Variants in PGR observed in about 807,000 individuals in gnomAD.
PGR encodes progesterone receptor.
In PGR, 25 loss-of-function variants were observed where a neutral mutation model predicts 76.1. The observed-to-expected ratio is 0.33, with a 90% CI of 0.24 to 0.46. The LOEUF (loss-of-function observed/expected upper bound fraction) is 0.46. PGR is among the 20% of genes least tolerant of loss of function. PGR has a pLI of 1.00. For missense variants in PGR, 1,172 were observed against 1,225.3 expected (o/e 0.96, Z 0.65); for synonymous variants, 579 against 535.0 (o/e 1.08, Z -1.14).
intron 2 of PGR, among the ~76,000 whole-genome samples, chr11:101,125,679 A>G (rs1862817206): frequency 6.6e-6 from 1 of 152,186 alleles, no homozygotes; most frequent in African/African-American, 2.4e-5. Context: ...CCTACATAAT[A>G]GATATATAAA....
At chr11:101,052,551 A>G (rs1450708832) in intron 4 of PGR, among the ~76,000 whole-genome samples, 1 of 152,120 alleles carries the variant, frequency 6.6e-6, no homozygotes, top group Non-Finnish European at 1.5e-5. Flanking sequence ...CAGATCATCC[A>G]AGGTCTTGCA....
intron 3 of PGR, among the ~76,000 whole-genome samples, chr11:101,083,972 A>T (rs1057223529): frequency 4.6e-5 from 7 of 152,056 alleles, no homozygotes; most frequent in Admixed American, 4.6e-4. Context: ...GGGCAGAATG[A>T]TATGGTTTGG....
At chr11:101,049,882 A>T (rs1444244269) in intron 6 of PGR, 47 bp downstream of exon 6, 2 of 1,522,134 alleles carry the variant, frequency 1.3e-6, no homozygotes, top group Admixed American at 3.4e-5. Flanking sequence ...TTTTCTAATG[A>T]ATTAAGAAAC....
Position 101,129,366 on chromosome 11 carries a change from G to A in PGR, c.-296C>T, listed in dbSNP as rs1310833320. 1.5e-5 allele frequency: 6 copies of A among 389,948 alleles called. No individual in the cohort carries two copies. The highest frequency in any genetic ancestry group is 7.0e-5 in the South Asian group (1 of 14,188). 24.2% of individuals were successfully genotyped at this position (389,948 alleles called of 1,614,324 possible). A position where few individuals can be genotyped will look rare whatever the true frequency, so the allele number is the denominator to read the frequency against. On this transcript the variant is annotated 5_prime_UTR_variant, in exon 1 of 8. Transcript: ENST00000325455. ...GTTAGGAGATCTCGTCTCCTAACTC[G>A]GGGAGTTCTCCAAGAGAGTTCTCCA...
At chr11:101,112,217 C>T (rs1427055860) in intron 2 of PGR, among the ~76,000 whole-genome samples, 1 of 151,962 alleles carries the variant, frequency 6.6e-6, no homozygotes, top group African/African-American at 2.4e-5. Context: ...AAGAGTTTTG[C>T]TGTAAAAGAA....
chr11:101,042,481 CTTCT>C (rs1859724582), intron 6 of PGR, among the ~76,000 whole-genome samples: 1 of 151,866 alleles, frequency 6.6e-6, no homozygotes, highest in Non-Finnish European at 1.5e-5. Flanking sequence ...TTTTTTTTCC[CTTCT>C]TTTTAATGAA....
At chr11:101,083,350 A>T (rs1368270913) in intron 3 of PGR, among the ~76,000 whole-genome samples, 1 of 152,242 alleles carries the variant, frequency 6.6e-6, no homozygotes, top group African/African-American at 2.4e-5. Context: ...CTACTAGGAC[A>T]GTGTGAAAGG....
At chr11:101,048,506 A>C in intron 6 of PGR, among the ~76,000 whole-genome samples, 1 of 152,306 alleles carries the variant, frequency 6.6e-6, no homozygotes, top group East Asian at 1.9e-4. Context: ...GAACCTGTAC[A>C]GCATGTGATT....
intron 2 of PGR, among the ~76,000 whole-genome samples, chr11:101,107,548 C>T (rs1291507849): frequency 1.3e-5 from 2 of 152,046 alleles, no homozygotes; most frequent in South Asian, 4.1e-4. Flanking sequence ...ATCATTTGAC[C>T]TCACATACTA....
At chr11:101,067,308 G>T (rs932602248) in intron 3 of PGR, among the ~76,000 whole-genome samples, 1 of 151,942 alleles carries the variant, frequency 6.6e-6, no homozygotes, top group Non-Finnish European at 1.5e-5. Context: ...AATACACAAA[G>T]AATTCCTATA....
chr11:101,083,686 T>G (rs539971078), intron 3 of PGR, among the ~76,000 whole-genome samples: 1 of 152,334 alleles, frequency 6.6e-6, no homozygotes, highest in African/African-American at 2.4e-5. Flanking sequence ...GTTTTGAACT[T>G]GCTTGGGGCC....
intron 6 of PGR, among the ~76,000 whole-genome samples, chr11:101,049,048 C>T (rs1422632114): frequency 6.6e-6 from 1 of 151,894 alleles, no homozygotes; most frequent in Non-Finnish European, 1.5e-5. Flanking sequence ...GCCTGGCTTT[C>T]TTTCTCTATA....
At chr11:101,097,578 G>A (rs939163592) in intron 2 of PGR, among the ~76,000 whole-genome samples, 3 of 151,950 alleles carry the variant, frequency 2.0e-5, no homozygotes, top group African/African-American at 7.3e-5. Context: ...GCTTATATTT[G>A]TAAATATAGT....
At chr11:101,069,820 CAG>C (rs779983244) in intron 3 of PGR, among the ~76,000 whole-genome samples, 9 of 151,682 alleles carry the variant, frequency 5.9e-5, no homozygotes, top group Non-Finnish European at 7.4e-5. Context: ...CACATGGACA[CAG>C]GGAGAGGAAC....
rs11571161 is a variant in PGR, at chr11:101,124,954, G to A, written c.1789+1053C>T. Reference sequence around the variant, plus strand: ...TTTGTTATGAAGAACTCCTTTGAAAGCTCCCTTAAAGTGAAATTTCCTACT... The same window carrying A: ...TTTGTTATGAAGAACTCCTTTGAAAACTCCCTTAAAGTGAAATTTCCTACT... On this transcript the variant is annotated intron_variant, in intron 2 of 7. Coordinates refer to ENST00000325455, the MANE Select transcript of PGR (RefSeq NM_000926.4). Among the ~76,000 whole-genome samples the A allele has an allele frequency of 7.2e-3, 1,094 of 152,110 alleles. 14 individuals carry two copies. The highest frequency in any genetic ancestry group is 0.025 in the African/African-American group (1,025 of 41,520).
chr11:101,108,652 T>G (rs538497318), intron 2 of PGR, among the ~76,000 whole-genome samples: 75 of 152,284 alleles, frequency 4.9e-4, no homozygotes, highest in African/African-American at 1.8e-3. Context: ...CAGAACTGGG[T>G]TTGGTTACCA....
Position 101,032,434 on chromosome 11 carries a change from G to A in PGR, c.*6682C>T. ...AATCAAGTCTACACTCTTTAACATG[G>A]TGTACAAGGCCACTGATTATCTAGA... On this transcript the variant is annotated 3_prime_UTR_variant, in exon 8 of 8. Transcript: ENST00000325455. 1 of 232,404 alleles carries A rather than the reference G, an allele frequency of 4.3e-6. No individual in the cohort carries two copies. The highest frequency in any genetic ancestry group is 6.1e-5 in the East Asian group (1 of 16,460). 14.4% of individuals were successfully genotyped at this position (232,404 alleles called of 1,614,324 possible).
intron 4 of PGR, 85 bp from the exon 5 acceptor site, chr11:101,051,653 T>C: frequency 1.1e-6 from 1 of 925,776 alleles, no homozygotes; most frequent in East Asian, 2.4e-5. Flanking sequence ...AATCTGAAAA[T>C]AGGTATGCGT....
chr11:101,069,549 C>T (rs1383437139), intron 3 of PGR, among the ~76,000 whole-genome samples: 2 of 152,112 alleles, frequency 1.3e-5, no homozygotes, highest in Non-Finnish European at 2.9e-5. Flanking sequence ...TACCATAAGA[C>T]ACATGCACAT....
Sources: gnomAD v4.1 joint callset for allele counts (sites outside exome capture counted in the v4.1 genomes callset) on GRCh38, gnomAD v4.1.1 for gene constraint, MANE v1.5 for transcripts, NCBI Gene and HGNC (gene_info 2026-07-23, HGNC 2026-07-21) for gene names.